GRM4: variants seen among roughly 807,000 people sequenced by gnomAD.
GRM4 encodes the protein glutamate metabotropic receptor 4.
GRM4 carries 28 observed loss-of-function variants against 81.7 expected under a neutral mutation model. That is an observed-to-expected ratio of 0.34 (90% confidence interval 0.25 to 0.47). The LOEUF (loss-of-function observed/expected upper bound fraction) is 0.47. Among genes scored for constraint, GRM4 ranks in the 20% least tolerant of loss-of-function variants. The probability of loss-of-function intolerance (pLI) is 1.00; values close to 1 mark genes in which losing one functional copy is unlikely to be tolerated. For synonymous variants in GRM4, 488 were observed against 528.8 expected (o/e 0.92, Z 1.06); for missense variants, 948 against 1,290.0 (o/e 0.73, Z 4.06).
chr6:34,083,159 G>A (rs1384389524), intron 3 of GRM4, among the ~76,000 whole-genome samples: 2 of 152,238 alleles, frequency 1.3e-5, no homozygotes, highest in Non-Finnish European at 2.9e-5. Flanking sequence ...ATGCAGACGG[G>A]AGCATGTCCC....
At chr6:34,025,447 G>C (rs1001935468) in intron 10 of GRM4, among the ~76,000 whole-genome samples, 7 of 152,182 alleles carry the variant, frequency 4.6e-5, no homozygotes, top group African/African-American at 1.7e-4. Context: ...GCGAGCCTGA[G>C]GGCAGCTGAG....
rs1766596440 is a variant in GRM4, at chr6:34,068,367, T to C, written c.737-6339A>G. On this transcript the variant is annotated intron_variant, in intron 3 of 10. Coordinates refer to ENST00000538487, the MANE Select transcript of GRM4 (RefSeq NM_000841.4). This position sits in a 1 kb window ranked among gnomAD's most constrained non-coding sequence, Gnocchi z 4.2. ...CTTCAAGTGAGGCGGGACGTGCTGC[T>C]AAATGAATTCACATTTCTGTCCTGC... 6.6e-6 allele frequency among the ~76,000 whole-genome samples: 1 copy of C among 152,180 alleles called. No individual in the cohort carries two copies. Among genetic ancestry groups the C allele is most frequent in the Admixed American group, 6.5e-5 (1 of 15,274 alleles).
At chr6:34,095,972 G>C (rs1214552202) in intron 2 of GRM4, among the ~76,000 whole-genome samples, 1 of 152,200 alleles carries the variant, frequency 6.6e-6, no homozygotes. Context: ...GCCCGAGCAG[G>C]AGGGGGACGT....
In GRM4 at chr6:34,068,416, GA is replaced by G. The variant is rs538502001; in HGVS notation, c.737-6389del. On this transcript the variant is annotated intron_variant, in intron 3 of 10. Transcript: ENST00000538487. This position sits in a 1 kb window ranked among gnomAD's most constrained non-coding sequence, Gnocchi z 4.2. ...GCACGACCTGGGGTTGTCTGAGCCT[GA>G]GGTGAGCTTAGGTTTACAGGAGGTC... 1.4e-4 allele frequency among the ~76,000 whole-genome samples: 21 copies of G among 152,268 alleles called. No individual in the cohort carries two copies. The South Asian group carries it at 2.7e-3, about 20-fold the overall frequency.
At chr6:34,110,932 A>G in intron 2 of GRM4, 1 of 1,040,516 alleles carries the variant, frequency 9.6e-7, no homozygotes, top group South Asian at 3.3e-5. Context: ...CACAAGGAAC[A>G]GCCTCTCTCC....
chr6:34,093,477 G>A (rs1768347909), intron 2 of GRM4, among the ~76,000 whole-genome samples: 2 of 152,216 alleles, frequency 1.3e-5, no homozygotes, highest in South Asian at 4.1e-4. Context: ...CTTCCTTCTA[G>A]TGGGAGGAGA....
intron 2 of GRM4, chr6:34,110,927 G>A: frequency 9.4e-7 from 1 of 1,067,888 alleles, no homozygotes; most frequent in Non-Finnish European, 1.2e-6. Flanking sequence ...GAGCCCACAA[G>A]GAACAGCCTC....
chr6:34,118,989 T>C (rs1769700669), intron 2 of GRM4, among the ~76,000 whole-genome samples: 1 of 152,258 alleles, frequency 6.6e-6, no homozygotes. Context: ...GTAGGTTCTC[T>C]GCCTCATTTC....
At chr6:34,046,056 T>A (rs900607564) in intron 6 of GRM4, among the ~76,000 whole-genome samples, 3 of 152,104 alleles carry the variant, frequency 2.0e-5, no homozygotes, top group Non-Finnish European at 4.4e-5. Flanking sequence ...GTTGAAATAA[T>A]CAGAGTCCTT....
Position 34,044,373 on chromosome 6 carries a change from TAC to T in GRM4, c.1169-3627_1169-3626del, listed in dbSNP as rs540171375. On this transcript the variant is annotated intron_variant, in intron 6 of 10. Transcript: ENST00000538487. Reference sequence around the variant, plus strand: ...ACACATATATACACAGACACACACATACACACACATAGACATACATACATACA... The same window carrying T: ...ACACATATATACACAGACACACACATACACACATAGACATACATACATACA... Among the ~76,000 whole-genome samples the T allele has an allele frequency of 2.9e-4, 26 of 90,652 alleles. No homozygotes were observed. In the South Asian group the frequency reaches 5.0e-3, roughly 17 times the overall value. 59.5% of individuals were successfully genotyped at this position (90,652 alleles called of 152,430 possible). A position where few individuals can be genotyped will look rare whatever the true frequency, so the allele number is the denominator to read the frequency against.
chr6:34,025,499 G>A (rs1459731571), intron 10 of GRM4, among the ~76,000 whole-genome samples: 1 of 152,162 alleles, frequency 6.6e-6, no homozygotes, highest in East Asian at 1.9e-4. Context: ...GTGTAGAGAG[G>A]AAGGACCACA....
At chr6:34,056,187 T>G in intron 6 of GRM4, 2 of 199,342 alleles carry the variant, frequency 1.0e-5, no homozygotes, top group Non-Finnish European at 1.0e-5. Context: ...ACCCTGGAGG[T>G]TAGAGGTAGT....
chr6:34,075,878 G>A (rs981721472), intron 3 of GRM4, among the ~76,000 whole-genome samples: 5 of 152,184 alleles, frequency 3.3e-5, no homozygotes, highest in Non-Finnish European at 5.9e-5. Flanking sequence ...ATGCTCAACC[G>A]ACGATAGCGG....
intron 3 of GRM4, among the ~76,000 whole-genome samples, chr6:34,075,090 C>T (rs1045708733): frequency 6.6e-6 from 1 of 152,238 alleles, no homozygotes; most frequent in African/African-American, 2.4e-5. Flanking sequence ...AGGTCATGCC[C>T]TGGTCTGACC....
intron 2 of GRM4, among the ~76,000 whole-genome samples, chr6:34,117,988 A>G (rs1386932026): frequency 6.6e-6 from 1 of 152,172 alleles, no homozygotes; most frequent in African/African-American, 2.4e-5. Context: ...AAGACTAATC[A>G]AGGATATTGG....
chr6:34,110,999 T>C (rs888728121), intron 2 of GRM4: 6 of 406,720 alleles, frequency 1.5e-5, no homozygotes, highest in Non-Finnish European at 2.3e-5. Context: ...GGGCTCCCCA[T>C]GGGCACCCTC....
Position 34,139,979 on chromosome 6 carries a change from G to A in GRM4, c.-364+6021C>T, listed in dbSNP as rs866726723. Among the ~76,000 whole-genome samples the A allele has an allele frequency of 7.9e-5, 12 of 152,158 alleles. No homozygotes were observed. In the South Asian group the frequency reaches 8.3e-4, roughly 11 times the overall value. On this transcript the variant is annotated intron_variant, in intron 1 of 10. Coordinates refer to ENST00000538487, the MANE Select transcript of GRM4 (RefSeq NM_000841.4). ...CAGACGCCTGCCCTCTGGAGCCCAC[G>A]TCCCAAAGCGGGTGGGCACAGGACG...
intron 5 of GRM4, 23 bp downstream of exon 5, chr6:34,058,951 C>T (rs760525253): frequency 1.9e-6 from 3 of 1,601,146 alleles, no homozygotes; most frequent in African/African-American, 1.3e-5. Context: ...TGGTGCCGAC[C>T]ACCTGCACCC....
At chr6:34,137,017 G>A (rs1770487607) in intron 1 of GRM4, among the ~76,000 whole-genome samples, 1 of 152,146 alleles carries the variant, frequency 6.6e-6, no homozygotes, top group African/African-American at 2.4e-5. Flanking sequence ...AGAGCTGGGG[G>A]CACATAGAAG....
Sources: gnomAD v4.1 joint callset for allele counts (sites outside exome capture counted in the v4.1 genomes callset) on GRCh38, gnomAD v4.1.1 for gene constraint, Gnocchi (gnomAD v3.1) non-coding constraint, MANE v1.5 for transcripts, NCBI Gene and HGNC (gene_info 2026-07-23, HGNC 2026-07-21) for gene names.